Variants in TJP1 observed in about 807,000 individuals in gnomAD.
TJP1 encodes the protein tight junction protein 1.
In TJP1, 43 loss-of-function variants were observed where a neutral mutation model predicts 194.2. The observed-to-expected ratio is 0.22, with a 90% confidence interval of 0.17 to 0.29. The LOEUF (loss-of-function observed/expected upper bound fraction) is 0.29, where lower values mean the gene tolerates loss of function less well. TJP1 is among the 10% of genes least tolerant of loss of function. The pLI is 1.00. For synonymous variants in TJP1, 801 were observed against 779.0 expected, an observed-to-expected ratio of 1.03 and a Z score of -0.47; for missense variants, 1,971 against 2,185.7, an observed-to-expected ratio of 0.90 and a Z score of 1.96.
intron 2 of TJP1, among the ~76,000 whole-genome samples, chr15:29,869,898 C>A (rs965714628): frequency 1.3e-5 from 2 of 148,716 alleles, no homozygotes; most frequent in Non-Finnish European, 3.0e-5. Flanking sequence ...CCTCCACCTC[C>A]CTGGTTCAAG....
chr15:29,867,465 C>T (rs2152112576), intron 2 of TJP1, among the ~76,000 whole-genome samples: 1 of 152,296 alleles, frequency 6.6e-6, no homozygotes, highest in East Asian at 1.9e-4. Context: ...CAACGTGGCC[C>T]ATGTGTGCTA....
intron 2 of TJP1, among the ~76,000 whole-genome samples, chr15:29,842,933 GACA>G (rs1481495240): frequency 6.6e-6 from 1 of 152,112 alleles, no homozygotes; most frequent in Non-Finnish European, 1.5e-5. Context: ...TCTACAGGTG[GACA>G]AAATGCCTAT....
At chr15:29,723,321 T>A (rs1210822693) in intron 18 of TJP1, among the ~76,000 whole-genome samples, 1 of 152,080 alleles carries the variant, frequency 6.6e-6, no homozygotes, top group African/African-American at 2.4e-5. Flanking sequence ...TTTAGCACCA[T>A]CCCCCTAATA....
chr15:29,822,229 C>A lies in TJP1; in HGVS notation c.-201G>T. On this transcript the variant is annotated 5_prime_UTR_variant, in exon 1 of 28. Transcript: ENST00000614355. ...CGGGAAGCGCCCGCCCCGCCCGGGT[C>A]TTCTCCACGGGGCGCGCCCGACCGG... 3.4e-6 allele frequency: 4 copies of A among 1,177,586 alleles called. No individual in the cohort carries two copies. In the South Asian group the frequency reaches 1.3e-4, roughly 38 times the overall value. The allele number at this position is 1,177,586 out of a possible 1,614,324, so 72.9% of individuals were successfully genotyped here.
chr15:29,950,627 C>A (rs770149300), intron 2 of TJP1, among the ~76,000 whole-genome samples: 6 of 152,136 alleles, frequency 3.9e-5, no homozygotes, highest in Non-Finnish European at 8.8e-5. Flanking sequence ...GGAGTGAGAA[C>A]GGGGGAAGGG....
intron 2 of TJP1, among the ~76,000 whole-genome samples, chr15:29,953,386 C>A (rs985065634): frequency 6.6e-6 from 1 of 152,116 alleles, no homozygotes; most frequent in Non-Finnish European, 1.5e-5. Context: ...AGGTGATCCA[C>A]CCACCTTGGC....
intron 1 of TJP1, among the ~76,000 whole-genome samples, chr15:29,965,755 T>C (rs2056311783): frequency 6.6e-6 from 1 of 152,180 alleles, no homozygotes. Context: ...GGCGGCACAA[T>C]GTTCTCCAAC....
chr15:29,911,971 A>G (rs2054028979), intron 2 of TJP1, among the ~76,000 whole-genome samples: 1 of 152,192 alleles, frequency 6.6e-6, no homozygotes, highest in South Asian at 2.1e-4. Flanking sequence ...TGAGTGTCTT[A>G]GTCACCTGGG....
chr15:29,724,617 G>A (rs1472244842), intron 18 of TJP1, among the ~76,000 whole-genome samples: 1 of 152,198 alleles, frequency 6.6e-6, no homozygotes, highest in Non-Finnish European at 1.5e-5. Flanking sequence ...GACTGTGTCA[G>A]ATCTTGTAAA....
At chr15:29,831,051 C>A (rs2050822949) in intron 2 of TJP1, among the ~76,000 whole-genome samples, 1 of 152,092 alleles carries the variant, frequency 6.6e-6, no homozygotes, top group Non-Finnish European at 1.5e-5. Context: ...CAAAAAAGAG[C>A]AGGAAAGCAA....
Position 29,716,822 on chromosome 15 carries a change from TTTGAGGTTC to T in TJP1, c.3982_3990del (p.Glu1328_Gln1330del), listed in dbSNP as rs778744948. ...TCTTCAGGTGGCTTCAGTTGAGGTTTTTGAGGTTCTGGGATCCTAACAGATAATGAATGA... is the reference window on the plus strand; with the variant it reads ...TCTTCAGGTGGCTTCAGTTGAGGTTTTGGGATCCTAACAGATAATGAATGA... On this transcript the variant is annotated inframe_deletion, in exon 23 of 28. Transcript: ENST00000614355. 6.2e-7 allele frequency: 1 copy of T among 1,602,474 alleles called. No homozygotes were observed. Among genetic ancestry groups the T allele is most frequent in the East Asian group, 2.2e-5 (1 of 44,552 alleles).
chr15:29,747,749 T>C (rs565019541), intron 8 of TJP1, among the ~76,000 whole-genome samples: 16 of 152,324 alleles, frequency 1.1e-4, no homozygotes, highest in African/African-American at 3.6e-4. Flanking sequence ...ATATTTTAAC[T>C]CAAATGCTCT....
rs151143442 is a variant in TJP1 at position 29,768,258 on chromosome 15, T to G, written c.313-1716A>C. Among the ~76,000 whole-genome samples, 797 of 152,308 alleles carry G rather than the reference T, an allele frequency of 5.2e-3. 7 individuals carry two copies. The highest frequency in any genetic ancestry group is 0.018 in the African/African-American group (764 of 41,578). Reference sequence around the variant, plus strand: ...AGCATGTGAAAAGGAGGACAGCCAATGCCCTGTTATGAACTGAAAGAGAAA... The same window carrying G: ...AGCATGTGAAAAGGAGGACAGCCAAGGCCCTGTTATGAACTGAAAGAGAAA... On this transcript the variant is annotated intron_variant, in intron 4 of 27. Transcript: ENST00000614355.
intron 10 of TJP1, chr15:29,741,077 T>C (rs2044379904): frequency 3.9e-6 from 1 of 255,866 alleles, no homozygotes; most frequent in South Asian, 9.9e-5. Flanking sequence ...TTTTTTTTTT[T>C]TTCTAATTCC....
chr15:29,954,650 C>T (rs948035640), intron 2 of TJP1, among the ~76,000 whole-genome samples: 1 of 152,070 alleles, frequency 6.6e-6, no homozygotes, highest in African/African-American at 2.4e-5. Context: ...TGGTAGGTCA[C>T]ATTTTACCTA....
chr15:29,827,104 A>C (rs1241093264), upstream of TJP1, among the ~76,000 whole-genome samples: 2 of 152,182 alleles, frequency 1.3e-5, no homozygotes, highest in Non-Finnish European at 2.9e-5. Context: ...CAAAAGCCCC[A>C]AACGGGCAGT....
chr15:29,837,240 C>T (rs921154217), intron 2 of TJP1, among the ~76,000 whole-genome samples: 1 of 152,100 alleles, frequency 6.6e-6, no homozygotes, highest in African/African-American at 2.4e-5. Context: ...TATAACAATA[C>T]TTTTAAATGT....
chr15:29,835,019 T>C (rs2050978813), intron 2 of TJP1, among the ~76,000 whole-genome samples: 1 of 152,176 alleles, frequency 6.6e-6, no homozygotes, highest in Non-Finnish European at 1.5e-5. Context: ...GGAATGAAGT[T>C]TCCTCATCTG....
intron 2 of TJP1, among the ~76,000 whole-genome samples, chr15:29,909,086 G>A (rs1001875478): frequency 6.6e-6 from 1 of 151,554 alleles, no homozygotes; most frequent in Admixed American, 6.6e-5. Flanking sequence ...GAACCCAGGA[G>A]GCGGAGCTTG....
Sources: gnomAD v4.1 joint callset for allele counts (sites outside exome capture counted in the v4.1 genomes callset) on GRCh38, gnomAD v4.1.1 for gene constraint, MANE v1.5 for transcripts, NCBI Gene and HGNC (gene_info 2026-07-23, HGNC 2026-07-21) for gene names.